The following NPC1L1 variants were observed in gnomAD, a reference collection of about 807,000 sequenced individuals.
NPC1L1 encodes the protein NPC1 like intracellular cholesterol transporter 1, also known as NPC1-like intracellular cholesterol transporter 1.
A neutral mutation model predicts 117.0 loss-of-function variants in NPC1L1; 98 were observed. That is an observed-to-expected ratio of 0.84 (90% CI 0.71 to 0.99). The LOEUF (loss-of-function observed/expected upper bound fraction) is 0.99. Among genes scored for constraint, NPC1L1 ranks in the 50% least tolerant of loss-of-function variants. NPC1L1 has a pLI of 0.00. For synonymous variants in NPC1L1, 729 were observed against 727.6 expected, an observed-to-expected ratio of 1.00 and a Z score of -0.03; for missense variants, 1,540 against 1,710.0, an observed-to-expected ratio of 0.90 and a Z score of 1.75.
At position 44,540,067 on chromosome 7, in the gene NPC1L1, G is replaced by A. The variant is rs760955950; in HGVS notation, c.330C>T (p.Leu110=). The change falls in exon 2 of 19, where the codon CTC becomes CTT. Residue 110 remains leucine (L), a synonymous_variant. Transcript: ENST00000381160. The part of the protein sequence containing the change: ...EASLSITKAL[L]TRCPACSDNF... ...TGTCAGAGCAGGCTGGGCAGCGGGT[G>A]AGGAGGGCCTTGGTGATCGACAGAC... The A allele has an allele frequency of 1.2e-6, 2 of 1,614,204 alleles. No individual in the cohort carries two copies. Among genetic ancestry groups the A allele is most frequent in the Admixed American group, 3.3e-5 (2 of 60,024 alleles).
At chr7:44,533,892 A>G in intron 6 of NPC1L1, 39 bp from the exon 7 acceptor site, 1 of 1,537,102 alleles carries the variant, frequency 6.5e-7, no homozygotes, top group East Asian at 2.3e-5. Context: ...AGGGCCCTCC[A>G]AGGGCACCGC....
At position 44,536,943 on chromosome 7, in the gene NPC1L1, C is replaced by T. The variant is rs769756104; in HGVS notation, c.1581-1G>A. 1 of 1,613,314 alleles carries T rather than the reference C, an allele frequency of 6.2e-7. No individual in the cohort carries two copies. Among genetic ancestry groups the T allele is most frequent in the Admixed American group, 1.7e-5 (1 of 60,002 alleles). ...GCCATCCTTGAAGGTGAGCGGGGCA[C>T]TAGAGGGAGATGACCGCAAAGGGAA... is the stretch of plus-strand genomic sequence containing the variant. On this transcript the variant is annotated splice_acceptor_variant, in intron 2 of 18. Transcript: ENST00000381160. LOFTEE classifies it high-confidence loss of function. This position sits in a 1 kb window ranked among gnomAD's most constrained non-coding sequence, Gnocchi z 4.7.
At chr7:44,533,031 G>A (rs899233755) in intron 8 of NPC1L1, among the ~76,000 whole-genome samples, 27 of 152,134 alleles carry the variant, frequency 1.8e-4, no homozygotes, top group Admixed American at 1.4e-3. Flanking sequence ...GCTTGAACCC[G>A]GGAGGCAGAG....
chr7:44,532,114 G>A lies in NPC1L1; in HGVS notation c.2513C>T (p.Pro838Leu). ...LLGFFQKAYAPFLLHWITRGV... is the reference protein window; with the variant it reads ...LLGFFQKAYALFLLHWITRGV... ...TCGAGTGATCCAGTGCAGCAGGAAG[G>A]GGGCATAAGCCTTTTGGAAGAAGCC... The change falls in exon 9 of 19, where the codon CCC becomes CTC. Residue 838 changes from proline (P) to leucine (L), a missense_variant. Transcript: ENST00000381160. The A allele has an allele frequency of 6.2e-7, 1 of 1,614,166 alleles. No homozygotes were observed. Among genetic ancestry groups the A allele is most frequent in the Non-Finnish European group, 8.5e-7 (1 of 1,180,038 alleles).
Position 44,534,019 on chromosome 7 carries a change from C to A in NPC1L1, c.2167-166G>T, listed in dbSNP as rs565649430. Among the ~76,000 whole-genome samples the A allele has an allele frequency of 1.5e-3, 226 of 152,366 alleles. No individual in the cohort carries two copies. Among genetic ancestry groups the A allele is most frequent in the Admixed American group, 3.2e-3 (49 of 15,302 alleles). On this transcript the variant is annotated intron_variant, in intron 6 of 18. Coordinates refer to ENST00000381160, the MANE Select transcript of NPC1L1 (RefSeq NM_001101648.2). The surrounding 1 kb of genome is among the most constrained non-coding windows in gnomAD (Gnocchi z 5.2). ...CATACTCTCCATGGCCAATATTCTTCTTCCAGGGTCTGGCTGGGAGAAATG... is the reference window on the plus strand; with the variant it reads ...CATACTCTCCATGGCCAATATTCTTATTCCAGGGTCTGGCTGGGAGAAATG...
chr7:44,513,423 G>C lies in NPC1L1; in HGVS notation c.*24C>G, dbSNP rs1478985419. 6.8e-6 allele frequency: 11 copies of C among 1,609,082 alleles called. No individual in the cohort carries two copies. The African/African-American group carries it at 8.0e-5, about 12-fold the overall frequency. ...TAACCCTTTGGTTCAGGGCCATAGA[G>C]CCTAGACAGGGCCTCTGGCTGTATC... On this transcript the variant is annotated 3_prime_UTR_variant, in exon 19 of 19. Coordinates refer to ENST00000381160, the MANE Select transcript of NPC1L1 (RefSeq NM_001101648.2).
At chr7:44,541,131 C>T (rs927971843) in intron 1 of NPC1L1, 75 bp downstream of exon 1, 4 of 1,488,038 alleles carry the variant, frequency 2.7e-6, no homozygotes, top group Middle Eastern at 2.3e-4. Context: ...CAGTAACGCT[C>T]GCCTGGTACA....
In NPC1L1 at chr7:44,533,493, C is replaced by A; in HGVS notation, c.2347G>T (p.Asp783Tyr). The A allele has an allele frequency of 6.2e-7, 1 of 1,614,142 alleles. No individual in the cohort carries two copies. The highest frequency in any genetic ancestry group is 1.1e-5 in the South Asian group (1 of 91,056). Residue 783 changes from aspartate (D) to tyrosine (Y), a missense_variant, in exon 8 of 19, where the codon GAC (aspartate) becomes TAC (tyrosine). Coordinates refer to ENST00000381160, the MANE Select transcript of NPC1L1 (RefSeq NM_001101648.2). ...AAGGCTGACATCTGCAGGAGGAAGT[C>A]AAGGATCACTGCAAGGCCAGAGGTC... The part of the protein sequence containing the change: ...ALTSGLAVIL[D>Y]FLLQMSAFVA...
At position 44,536,085 on chromosome 7, in the gene NPC1L1, C is replaced by T. The variant is rs899896792; in HGVS notation, c.1855-117G>A. On this transcript the variant is annotated intron_variant, in intron 4 of 18. Coordinates refer to ENST00000381160, the MANE Select transcript of NPC1L1 (RefSeq NM_001101648.2). This position sits in a 1 kb window ranked among gnomAD's most constrained non-coding sequence, Gnocchi z 4.7. ...GTTGTGTCATAGGGCCTGATGGCCC[C>T]CTATAATCGCAGGTGAGGCTATAAG... is the stretch of plus-strand genomic sequence containing the variant. 1.3e-6 allele frequency: 2 copies of T among 1,549,740 alleles called. No individual in the cohort carries two copies. Among genetic ancestry groups the T allele is most frequent in the East Asian group, 2.3e-5 (1 of 44,402 alleles).
At position 44,539,524 on chromosome 7, in the gene NPC1L1, G is replaced by T; in HGVS notation, c.873C>A (p.Leu291=). The T allele has an allele frequency of 1.2e-6, 2 of 1,613,838 alleles. No homozygotes were observed. Among genetic ancestry groups the T allele is most frequent in the Non-Finnish European group, 1.7e-6 (2 of 1,179,760 alleles). Residue 291 remains leucine (L), a synonymous_variant, in exon 2 of 19, where the codon CTC becomes CTA. Transcript: ENST00000381160. The surrounding 1 kb of genome is among the most constrained non-coding windows in gnomAD (Gnocchi z 4.4). ...TGGTGACCACAGCGAAGACAGAGCA[G>T]AGGATGATGATGAGGACCAGACTGC... is the stretch of plus-strand genomic sequence containing the variant. ...MPGSLVLIII[L]CSVFAVVTIL...
rs1174358306 is a variant in NPC1L1 at position 44,521,048 on chromosome 7, G to A, written c.3024C>T (p.Phe1008=). The change falls in exon 13 of 19, where the codon TTC becomes TTT. Residue 1008 remains phenylalanine, a synonymous_variant. Transcript: ENST00000381160. ...MGSVRPSVEQ[F]HKYLPWFLND... Reference sequence around the variant, plus strand: ...TCAGGAACCAGGGAAGATACTTATGGAACTGCTCCACCGAGGGCCTCACAG... The same window carrying A: ...TCAGGAACCAGGGAAGATACTTATGAAACTGCTCCACCGAGGGCCTCACAG... 6.2e-7 allele frequency: 1 copy of A among 1,614,122 alleles called. No homozygotes were observed. The highest frequency in any genetic ancestry group is 1.1e-5 in the South Asian group (1 of 91,076).
In NPC1L1 at chr7:44,533,426, C is replaced by G. The variant is rs1387812226; in HGVS notation, c.2409+5G>C. ...GTCCCTCAGTACTGGCCCAGCTGCC[C>G]CTACCTCCTGCCTCTTGCTGTCCAG... is the stretch of plus-strand genomic sequence containing the variant. On this transcript the variant is annotated splice_donor_5th_base_variant and intron_variant, in intron 8 of 18. Coordinates refer to ENST00000381160, the MANE Select transcript of NPC1L1 (RefSeq NM_001101648.2). The G allele has an allele frequency of 6.2e-7, 1 of 1,613,718 alleles. No homozygotes were observed. The highest frequency in any genetic ancestry group is 8.5e-7 in the Non-Finnish European group (1 of 1,179,866).
chr7:44,517,214 G>A lies in NPC1L1; in HGVS notation c.3280C>T (p.Pro1094Ser). The A allele has an allele frequency of 6.2e-7, 1 of 1,614,128 alleles. No homozygotes were observed. Among genetic ancestry groups the A allele is most frequent in the Non-Finnish European group, 8.5e-7 (1 of 1,180,008 alleles). Reference sequence around the variant, plus strand: ...AGCCACTCAGGTCCTCACGTGTAGGGGAAGACCTCAAAAGCCGGGTCTGTT... The same window carrying A: ...AGCCACTCAGGTCCTCACGTGTAGGAGAAGACCTCAAAAGCCGGGTCTGTT... ...PGTDPAFEVFPYTITNVFYEQ... is the reference protein window; with the variant it reads ...PGTDPAFEVFSYTITNVFYEQ... Residue 1094 changes from proline to serine, a missense_variant, in exon 15 of 19, where the codon CCC becomes TCC. Transcript: ENST00000381160.
At position 44,531,790 on chromosome 7, in the gene NPC1L1, T is replaced by G; in HGVS notation, c.2602A>C (p.Ser868Arg). 6.3e-7 allele frequency: 1 copy of G among 1,589,120 alleles called. No individual in the cohort carries two copies. Among genetic ancestry groups the G allele is most frequent in the Non-Finnish European group, 8.6e-7 (1 of 1,168,108 alleles). Residue 868 changes from serine (S) to arginine (R), a missense_variant, in exon 10 of 19, where the codon AGC becomes CGC. Transcript: ENST00000381160. ...GCCAGCTCCTGGTCCAGTCCCACGCTGATGTGGCACATGGAGTAGAGGCTC... is the reference window on the plus strand; with the variant it reads ...GCCAGCTCCTGGTCCAGTCCCACGCGGATGTGGCACATGGAGTAGAGGCTC... ...GVSLYSMCHI[S>R]VGLDQELALP...
chr7:44,516,115 G>T lies in NPC1L1; in HGVS notation c.3602C>A (p.Ala1201Asp). The change falls in exon 17 of 19, where the codon GCC (alanine) becomes GAC (aspartate). Residue 1201 changes from alanine (A) to aspartate (D), a missense_variant. Around this residue, in one of 3 missense-constraint regions of NPC1L1, gnomAD observed 742 missense variants for 873.6 expected, o/e 0.85. Coordinates refer to ENST00000381160, the MANE Select transcript of NPC1L1 (RefSeq NM_001101648.2). ...ISTKPTWLERAKEATISMGSA... is the reference protein window; with the variant it reads ...ISTKPTWLERDKEATISMGSA... Reference sequence around the variant, plus strand: ...TCCCATAGAGATGGTGGCCTCTTTGGCCCTCTCCAGCCAGGTGGGCTTGGT... The same window carrying T: ...TCCCATAGAGATGGTGGCCTCTTTGTCCCTCTCCAGCCAGGTGGGCTTGGT... The T allele has an allele frequency of 2.5e-6, 4 of 1,612,672 alleles. No individual in the cohort carries two copies. Among genetic ancestry groups the T allele is most frequent in the Non-Finnish European group, 3.4e-6 (4 of 1,179,410 alleles).
Position 44,538,414 on chromosome 7 carries a change from A to G in NPC1L1, c.1580+403T>C, listed in dbSNP as rs1192356350. ...TGCATACCATGGTACCTCATGGGTT[A>G]CTGATGGCCCTACGGCCCCTGGCAC... is the stretch of plus-strand genomic sequence containing the variant. On this transcript the variant is annotated intron_variant, in intron 2 of 18. Coordinates refer to ENST00000381160, the MANE Select transcript of NPC1L1 (RefSeq NM_001101648.2). This position sits in a 1 kb window ranked among gnomAD's most constrained non-coding sequence, Gnocchi z 5.9. Among the ~76,000 whole-genome samples, 1 of 152,256 alleles carries G rather than the reference A, an allele frequency of 6.6e-6. No homozygotes were observed. The highest frequency in any genetic ancestry group is 1.5e-5 in the Non-Finnish European group (1 of 68,040).
intron 10 of NPC1L1, among the ~76,000 whole-genome samples, chr7:44,529,535 T>C (rs978062543): frequency 2.0e-5 from 3 of 151,630 alleles, no homozygotes; most frequent in Non-Finnish European, 4.4e-5. Context: ...TGTGCCACCA[T>C]GCCCAGTTAA....
At chr7:44,527,178 G>A (rs777206914) in intron 10 of NPC1L1, among the ~76,000 whole-genome samples, 1 of 152,014 alleles carries the variant, frequency 6.6e-6, no homozygotes, top group Non-Finnish European at 1.5e-5. Context: ...CATTAGACAG[G>A]CCAGGCATGG....
At chr7:44,525,746 T>TA (rs1801495267) in intron 10 of NPC1L1, among the ~76,000 whole-genome samples, 1 of 152,056 alleles carries the variant, frequency 6.6e-6, no homozygotes, top group African/African-American at 2.4e-5. Context: ...ATAAGTTTTT[T>TA]AAAAAATAGA....
Sources: allele counts gnomAD v4.1 joint callset (sites outside exome capture counted in the v4.1 genomes callset), GRCh38; gene constraint gnomAD v4.1.1; regional missense constraint gnomAD v4.1.1; non-coding constraint Gnocchi (gnomAD v3.1); transcripts MANE v1.5; gene names NCBI Gene and HGNC (gene_info 2026-07-23, HGNC 2026-07-21).